ZNF721: variants seen among roughly 807,000 people sequenced by gnomAD.
ZNF721 encodes the protein zinc finger protein 721.
A neutral mutation model predicts 2.4 loss-of-function variants in ZNF721; 2 were observed. The observed-to-expected ratio is 0.82, with a 90% CI of 0.34 to 2.58. The LOEUF (loss-of-function observed/expected upper bound fraction) is 2.58, where lower values mean the gene tolerates loss of function less well. ZNF721 is among the 30% of genes most tolerant of loss of function. The pLI is 0.11. For synonymous variants in ZNF721, 398 were observed against 381.8 expected (o/e 1.04, Z -0.50); for missense variants, 1,187 against 1,085.5 (o/e 1.09, Z -1.31).
At position 442,401 on chromosome 4, in the gene ZNF721, T is replaced by C. The variant is rs78869802; in HGVS notation, c.2066A>G (p.Lys689Arg). ...GTAAGGTTTTTCTCCAGTATGAATT[T>C]TCTTGTGTTGATTCAGGGCTATGGA... ...GWSIALNQHK[K>R]IHTGEKPYKC... is the part of the protein sequence containing the mutation. The change falls in exon 3 of 3, where the codon AAA becomes AGA. Residue 689 changes from lysine to arginine, a missense_variant. Transcript: ENST00000511833. 1,656 of 1,612,000 alleles carry C rather than the reference T, an allele frequency of 1.0e-3. 15 individuals carry two copies. In the African/African-American group the frequency reaches 0.019, roughly 19 times the overall value.
intron 1 of ZNF721, among the ~76,000 whole-genome samples, chr4:475,178 C>T (rs1715595370): frequency 6.6e-6 from 1 of 151,172 alleles, no homozygotes. Flanking sequence ...CAGAGCCAGA[C>T]TCCGTCTCAA....
chr4:455,968 AAAC>A (rs1240617671), intron 2 of ZNF721, among the ~76,000 whole-genome samples: 2 of 152,140 alleles, frequency 1.3e-5, no homozygotes, highest in Non-Finnish European at 2.9e-5. Context: ...AAACATAATC[AAAC>A]AATAAATAGG....
intron 1 of ZNF721, among the ~76,000 whole-genome samples, chr4:492,897 T>C (rs1716060000): frequency 6.6e-6 from 1 of 151,880 alleles, no homozygotes; most frequent in Non-Finnish European, 1.5e-5. Flanking sequence ...TAAATAAGCT[T>C]TGAATTAGAC....
intron 2 of ZNF721, among the ~76,000 whole-genome samples, chr4:446,907 T>G (rs1714494376): frequency 6.6e-6 from 1 of 151,682 alleles, no homozygotes; most frequent in South Asian, 2.1e-4. Flanking sequence ...ACCAGGATGG[T>G]CTCGATCTCT....
At chr4:467,125 G>A (rs566040663) in intron 2 of ZNF721, among the ~76,000 whole-genome samples, 1 of 152,216 alleles carries the variant, frequency 6.6e-6, no homozygotes, top group South Asian at 2.1e-4. Flanking sequence ...GCTGACGCAG[G>A]AGAATGGTGT....
chr4:478,517 C>T (rs775833351), intron 1 of ZNF721, among the ~76,000 whole-genome samples: 1 of 152,142 alleles, frequency 6.6e-6, no homozygotes, highest in African/African-American at 2.4e-5. Context: ...TGAGTCATCA[C>T]ACCTAGCCCT....
intron 1 of ZNF721, chr4:474,033 C>T (rs1553868181): frequency 6.7e-7 from 1 of 1,496,346 alleles, no homozygotes; most frequent in Non-Finnish European, 9.0e-7. Flanking sequence ...TCATCCAATA[C>T]CCGCAGGTTA....
intron 2 of ZNF721, among the ~76,000 whole-genome samples, chr4:456,919 C>G (rs1442765839): frequency 2.6e-5 from 4 of 151,882 alleles, no homozygotes; most frequent in African/African-American, 9.7e-5. Context: ...GGAGGAGAAC[C>G]TACATGAAAA....
chr4:466,637 T>C (rs782171439), intron 2 of ZNF721, among the ~76,000 whole-genome samples: 4 of 152,160 alleles, frequency 2.6e-5, no homozygotes, highest in Non-Finnish European at 5.9e-5. Flanking sequence ...GAAATTTCAT[T>C]TGTAGATTAA....
At chr4:482,457 G>A (rs560783019) in intron 1 of ZNF721, among the ~76,000 whole-genome samples, 3 of 151,954 alleles carry the variant, frequency 2.0e-5, no homozygotes, top group Admixed American at 1.3e-4. Context: ...GAGCCACCGC[G>A]CCCGGCCCAA....
At chr4:449,805 G>A (rs1553864638) in intron 2 of ZNF721, among the ~76,000 whole-genome samples, 1 of 152,096 alleles carries the variant, frequency 6.6e-6, no homozygotes, top group East Asian at 1.9e-4. Context: ...ATGCAAAGAT[G>A]CTCAACATCA....
At chr4:486,564 C>A (rs7684348) in intron 1 of ZNF721, among the ~76,000 whole-genome samples, 1 of 151,954 alleles carries the variant, frequency 6.6e-6, no homozygotes, top group Non-Finnish European at 1.5e-5. Flanking sequence ...CTCTGCTGGT[C>A]GGCTAAATTG....
rs781924689 is a variant in ZNF721, at chr4:442,825, T to C, written c.1642A>G (p.Arg548Gly). The C allele has an allele frequency of 8.7e-6, 14 of 1,613,910 alleles. No individual in the cohort carries two copies. The highest frequency in any genetic ancestry group is 1.2e-5 in the Non-Finnish European group (14 of 1,179,924). The change falls in exon 3 of 3, where the codon AGG (arginine) becomes GGG (glycine). Residue 548 changes from arginine (R) to glycine (G), a missense_variant. Arg to Gly is a moderately radical substitution (Grantham distance 125). Transcript: ENST00000511833. ...FRQSAILYVH[R>G]RIHTGEKPYT... is the part of the protein sequence containing the mutation. ...GGTTTCTCTCCAGTATGAATTCTCCTATGTACATAAAGGATTGCGGACTGT... is the reference window on the plus strand; with the variant it reads ...GGTTTCTCTCCAGTATGAATTCTCCCATGTACATAAAGGATTGCGGACTGT...
In ZNF721 at chr4:443,981, C is replaced by T. The variant is rs782410415; in HGVS notation, c.486G>A (p.Glu162=). The T allele has an allele frequency of 4.3e-6, 7 of 1,614,116 alleles. No individual in the cohort carries two copies. The highest frequency in any genetic ancestry group is 1.1e-5 in the South Asian group (1 of 91,072). The stretch of plus-strand genomic sequence containing the variant: ...CACATTCTTCACATTTGTAAGGTTT[C>T]TCTCCAGTATGAATTTTCTTGTGTT... ...LNQHKKIHTG[E]KPYKCEECGK... The change falls in exon 3 of 3, where the codon GAG becomes GAA. Residue 162 remains glutamate (E), a synonymous_variant. Coordinates refer to ENST00000511833, the MANE Select transcript of ZNF721 (RefSeq NM_133474.4).
rs1553863825 is a variant in ZNF721, at chr4:444,011, C to T, written c.456G>A (p.Leu152=). ...RGKDFGWYTD[L]NQHKKIHTGE... is the part of the protein sequence containing the mutation. ...CAGTATGAATTTTCTTGTGTTGATT[C>T]AGGTCTGTGTACCATCCAAAGTCTT... Residue 152 remains leucine, a synonymous_variant, in exon 3 of 3, where the codon CTG becomes CTA. Transcript: ENST00000511833. 1.2e-6 allele frequency: 2 copies of T among 1,613,614 alleles called. No homozygotes were observed. The highest frequency in any genetic ancestry group is 1.7e-6 in the Non-Finnish European group (2 of 1,179,712).
At chr4:456,805 G>A (rs1448494238) in intron 2 of ZNF721, among the ~76,000 whole-genome samples, 4 of 152,194 alleles carry the variant, frequency 2.6e-5, no homozygotes, top group African/African-American at 7.2e-5. Flanking sequence ...CTTGAATCCG[G>A]GAGGCGGAGG....
intron 1 of ZNF721, among the ~76,000 whole-genome samples, chr4:474,804 G>A (rs560958434): frequency 2.6e-5 from 4 of 151,818 alleles, no homozygotes; most frequent in African/African-American, 9.7e-5. Context: ...TGAACCTGGG[G>A]GGTGGAGGTT....
intron 1 of ZNF721, among the ~76,000 whole-genome samples, chr4:485,706 T>G (rs1715876986): frequency 6.6e-6 from 1 of 152,220 alleles, no homozygotes. Context: ...CTGGCTTAAC[T>G]GGCGCACGCC....
At chr4:462,930 G>A (rs1715113834) in intron 2 of ZNF721, among the ~76,000 whole-genome samples, 1 of 152,196 alleles carries the variant, frequency 6.6e-6, no homozygotes, top group Non-Finnish European at 1.5e-5. Flanking sequence ...AAGAGCTTCT[G>A]CACAGCAAAA....
Sources: gnomAD v4.1 joint callset for allele counts (sites outside exome capture counted in the v4.1 genomes callset) on GRCh38, gnomAD v4.1.1 for gene constraint, MANE v1.5 for transcripts, NCBI Gene and HGNC (gene_info 2026-07-23, HGNC 2026-07-21) for gene names.